NAALADL2: variants seen among roughly 807,000 people sequenced by gnomAD.
NAALADL2 encodes inactive N-acetylated-alpha-linked acidic dipeptidase-like protein 2.
NAALADL2 carries 76 observed loss-of-function variants against 87.2 expected under a neutral mutation model. The ratio of observed to expected loss-of-function variants is 0.87; its 90% CI spans 0.72 to 1.05. The LOEUF (loss-of-function observed/expected upper bound fraction) is 1.05. Ranked by LOEUF, NAALADL2 falls within the 50% of genes least tolerant of loss-of-function variation. NAALADL2 has a pLI of 0.00. For missense variants in NAALADL2, 1,089 were observed against 945.8 expected (o/e 1.15, Z -1.99); for synonymous variants, 354 against 331.0 (o/e 1.07, Z -0.75).
rs541391075 is a variant in NAALADL2, at chr3:175,664,944, C to T, written c.1896+37558C>T. ...CTTATGACACAGTGAATTTCTCCCT[C>T]TTCATTTTGATGGTCCCTTAACTTG... On this transcript the variant is annotated intron_variant, in intron 11 of 13. Coordinates refer to ENST00000454872, the MANE Select transcript of NAALADL2 (RefSeq NM_207015.3). Among the ~76,000 whole-genome samples, 11 of 152,236 alleles carry T rather than the reference C, an allele frequency of 7.2e-5. No individual in the cohort carries two copies. The East Asian group carries it at 2.1e-3, about 29-fold the overall frequency.
chr3:175,578,379 G>A (rs894813010), intron 10 of NAALADL2, among the ~76,000 whole-genome samples: 2 of 152,022 alleles, frequency 1.3e-5, no homozygotes, highest in East Asian at 1.9e-4. Flanking sequence ...GTTGCAGTGA[G>A]CCAAGATCAC....
At chr3:174,840,008 C>T (rs151153064) in intron 3 of NAALADL2, among the ~76,000 whole-genome samples, 1,981 of 152,018 alleles carry the variant, frequency 0.013, 43 homozygotes, top group African/African-American at 0.046. Context: ...TGGGTATCTA[C>T]CCAGAGGAAA....
intron 11 of NAALADL2, chr3:175,675,220 C>T (rs1392608382): frequency 2.6e-5 from 4 of 152,084 alleles, no homozygotes; most frequent in Admixed American, 6.5e-5. Flanking sequence ...ATTACCATTC[C>T]GGTAAGTCCT....
chr3:175,002,281 AAGTC>A (rs1191972333), intron 1 of NAALADL2, among the ~76,000 whole-genome samples: 1 of 152,212 alleles, frequency 6.6e-6, no homozygotes, highest in African/African-American at 2.4e-5. Flanking sequence ...ATAGCGCAGA[AAGTC>A]AGAAACTAGA....
intron 1 of NAALADL2, among the ~76,000 whole-genome samples, chr3:174,930,690 C>G (rs1197181003): frequency 7.4e-6 from 1 of 135,586 alleles, no homozygotes; most frequent in East Asian, 2.4e-4. Context: ...GGCGCGATCT[C>G]GGCTCACTGC....
At chr3:174,550,658 T>C (rs1712013257) in intron 2 of NAALADL2, 1 of 152,034 alleles carries the variant, frequency 6.6e-6, no homozygotes, top group African/African-American at 2.4e-5. Context: ...ATCTTAGATA[T>C]TTTATCCAGG....
At chr3:175,338,330 G>T (rs755499846) in intron 5 of NAALADL2, among the ~76,000 whole-genome samples, 2 of 151,930 alleles carry the variant, frequency 1.3e-5, no homozygotes, top group Non-Finnish European at 2.9e-5. Flanking sequence ...TACCTCTTTT[G>T]TGAGTGATCC....
chr3:174,686,822 T>A (rs751353716), intron 2 of NAALADL2, among the ~76,000 whole-genome samples: 92 of 151,982 alleles, frequency 6.1e-4, no homozygotes, highest in Non-Finnish European at 9.9e-4. Flanking sequence ...ATTATAAAAA[T>A]TATAATTATA....
At chr3:174,972,369 CA>C (rs1357555409) in intron 1 of NAALADL2, among the ~76,000 whole-genome samples, 1 of 152,160 alleles carries the variant, frequency 6.6e-6, no homozygotes, top group Non-Finnish European at 1.5e-5. Flanking sequence ...TTTGTTTTCT[CA>C]CAGTTCTGAA....
chr3:175,596,554 AT>A (rs1180617170), intron 10 of NAALADL2, among the ~76,000 whole-genome samples: 3 of 151,804 alleles, frequency 2.0e-5, no homozygotes, highest in Non-Finnish European at 4.4e-5. Context: ...CTTTGAAGTT[AT>A]TTTTTTGCTA....
At chr3:174,571,564 A>C (rs555252674) in intron 2 of NAALADL2, among the ~76,000 whole-genome samples, 1 of 151,964 alleles carries the variant, frequency 6.6e-6, no homozygotes, top group African/African-American at 2.4e-5. Context: ...TTTTTAGTAG[A>C]GACGAGGTTT....
chr3:175,743,762 A>T (rs1745565192), intron 12 of NAALADL2, among the ~76,000 whole-genome samples: 1 of 152,224 alleles, frequency 6.6e-6, no homozygotes, highest in Non-Finnish European at 1.5e-5. Context: ...AGCAAGTTGG[A>T]TTCGTGAAAA....
chr3:175,063,511 C>G (rs1233393519), intron 1 of NAALADL2, among the ~76,000 whole-genome samples: 1 of 151,816 alleles, frequency 6.6e-6, no homozygotes, highest in Non-Finnish European at 1.5e-5. Context: ...GGGTCTTGTT[C>G]TGTCACCCAG....
intron 8 of NAALADL2, among the ~76,000 whole-genome samples, chr3:175,470,590 G>T (rs1215960942): frequency 3.9e-5 from 6 of 152,088 alleles, no homozygotes; most frequent in Admixed American, 3.9e-4. Context: ...GAAGAAGAAA[G>T]ATACTTTCCC....
intron 5 of NAALADL2, among the ~76,000 whole-genome samples, chr3:175,390,630 G>T (rs530400482): frequency 3.3e-5 from 5 of 152,210 alleles, no homozygotes; most frequent in South Asian, 2.1e-4. Flanking sequence ...TGTTGTTGTG[G>T]TTATGCAGCT....
chr3:174,864,697 T>C (rs538137670), intron 1 of NAALADL2, among the ~76,000 whole-genome samples: 1 of 152,232 alleles, frequency 6.6e-6, no homozygotes, highest in East Asian at 1.9e-4. Flanking sequence ...ATCTTAAGAT[T>C]ATAAGTATAT....
chr3:175,645,530 T>C (rs1729885048), intron 11 of NAALADL2, among the ~76,000 whole-genome samples: 1 of 152,024 alleles, frequency 6.6e-6, no homozygotes, highest in Non-Finnish European at 1.5e-5. Flanking sequence ...CTGGGGGGCA[T>C]TTTAAATTTT....
intron 2 of NAALADL2, among the ~76,000 whole-genome samples, chr3:174,732,918 C>A (rs533901376): frequency 5.3e-5 from 8 of 152,170 alleles, no homozygotes; most frequent in African/African-American, 1.7e-4. Flanking sequence ...ATCCAAAATA[C>A]ATGTATTAAT....
chr3:175,151,670 A>G (rs1278496976), intron 2 of NAALADL2, among the ~76,000 whole-genome samples: 1 of 152,162 alleles, frequency 6.6e-6, no homozygotes, highest in Non-Finnish European at 1.5e-5. Flanking sequence ...TAATGATTTG[A>G]CTACCCATCA....
Sources: allele counts gnomAD v4.1 joint callset (sites outside exome capture counted in the v4.1 genomes callset), GRCh38; gene constraint gnomAD v4.1.1; transcripts MANE v1.5; gene names NCBI Gene and HGNC (gene_info 2026-07-23, HGNC 2026-07-21).